Variants in FBXO34 observed in about 807,000 individuals in gnomAD.
FBXO34 encodes the protein F-box protein 34, also known as F-box only protein 34.
Under a neutral mutation model 24.5 loss-of-function variants are expected in FBXO34, and 12 were observed. The observed-to-expected ratio is 0.49, with a 90% CI of 0.31 to 0.79. FBXO34 has a LOEUF of 0.79. Ranked by LOEUF, FBXO34 falls within the 30% of genes least tolerant of loss-of-function variation. The pLI is 0.04. For synonymous variants in FBXO34, 320 were observed against 311.9 expected (o/e 1.03, Z -0.27); for missense variants, 823 against 857.7 (o/e 0.96, Z 0.51).
At chr14:55,401,400 T>A in the FBXO34 span, among the ~76,000 whole-genome samples, 164 of 152,318 alleles carry the variant, frequency 1.1e-3, no homozygotes, top group African/African-American at 3.8e-3. Context: ...GCATACATCT[T>A]TTTGTTGTTG....
chr14:55,324,246 T>C (rs1883267716), intron 1 of FBXO34, among the ~76,000 whole-genome samples: 1 of 152,220 alleles, frequency 6.6e-6, no homozygotes, highest in Admixed American at 6.5e-5. Flanking sequence ...GGTTTATCCA[T>C]GTTGTAGTGG....
chr14:55,369,773 C>G, downstream of FBXO34: 2 of 1,614,150 alleles, frequency 1.2e-6, no homozygotes, highest in South Asian at 1.1e-5. Context: ...ATCACAAAAC[C>G]GGGGACTAGG....
At chr14:55,439,618 C>CCCCCCCCCG in the FBXO34 span, among the ~76,000 whole-genome samples, 6 of 60,292 alleles carry the variant, frequency 1.0e-4, no homozygotes, top group South Asian at 1.2e-3. Context: ...AAGCAAACCC[C>CCCCCCCCCG]CCCCCGTCTC....
intron 1 of FBXO34, among the ~76,000 whole-genome samples, chr14:55,322,105 G>A (rs887749148): frequency 2.0e-5 from 3 of 152,106 alleles, no homozygotes; most frequent in Admixed American, 6.5e-5. Flanking sequence ...AGCGGATCAC[G>A]AGGTCAGGAG....
the FBXO34 span, among the ~76,000 whole-genome samples, chr14:55,375,074 A>T: frequency 5.9e-5 from 9 of 152,274 alleles, no homozygotes; most frequent in African/African-American, 2.2e-4. Context: ...CTCATCCTGG[A>T]AAATCATAAG....
intron 1 of FBXO34, chr14:55,339,385 C>CCCT (rs1555339087): frequency 2.1e-5 from 3 of 145,524 alleles, no homozygotes; most frequent in African/African-American, 7.7e-5. Flanking sequence ...CCTGCCCCCC[C>CCCT]CCCCAATCCT....
At chr14:55,438,286 G>A in the FBXO34 span, among the ~76,000 whole-genome samples, 2 of 152,168 alleles carry the variant, frequency 1.3e-5, no homozygotes, top group East Asian at 1.9e-4. Flanking sequence ...GGTGGCAGGG[G>A]TGACTAATTG....
chr14:55,375,255 A>G, the FBXO34 span, among the ~76,000 whole-genome samples: 5 of 152,228 alleles, frequency 3.3e-5, no homozygotes, highest in Non-Finnish European at 7.3e-5. Flanking sequence ...CTACAGTAAA[A>G]GGAATACTTT....
intron 1 of FBXO34, among the ~76,000 whole-genome samples, chr14:55,348,564 A>G (rs1884236831): frequency 6.6e-6 from 1 of 150,958 alleles, no homozygotes. Context: ...TACCAGTTTT[A>G]ATCACTAGGA....
At chr14:55,364,240 C>T (rs1191749387), downstream of FBXO34, among the ~76,000 whole-genome samples, 26 of 151,630 alleles carry the variant, frequency 1.7e-4, no homozygotes, top group Non-Finnish European at 1.5e-4. Flanking sequence ...TGAGCCACCA[C>T]GCCCAGCTAA....
the FBXO34 span, chr14:55,382,118 G>C: frequency 1.2e-6 from 2 of 1,613,980 alleles, no homozygotes; most frequent in Non-Finnish European, 1.7e-6. Flanking sequence ...GTTGTCCTCC[G>C]GGCTTCAGCA....
intron 1 of FBXO34, among the ~76,000 whole-genome samples, chr14:55,287,933 G>A (rs921014640): frequency 2.0e-5 from 3 of 152,164 alleles, no homozygotes; most frequent in Non-Finnish European, 4.4e-5. Flanking sequence ...CTTCATTGTT[G>A]TGTGCCTGTG....
intron 1 of FBXO34, among the ~76,000 whole-genome samples, chr14:55,287,830 T>G (rs572654581): frequency 6.6e-6 from 1 of 152,376 alleles, no homozygotes; most frequent in African/African-American, 2.4e-5. Flanking sequence ...GATTTTGTTA[T>G]GAATGCATGC....
intron 1 of FBXO34, among the ~76,000 whole-genome samples, chr14:55,283,748 AC>A (rs1406567291): frequency 6.6e-6 from 1 of 152,144 alleles, no homozygotes; most frequent in African/African-American, 2.4e-5. Context: ...CACGTGAGCC[AC>A]CATGCCCAGC....
chr14:55,320,282 C>G (rs867070510), intron 1 of FBXO34, among the ~76,000 whole-genome samples: 1 of 152,270 alleles, frequency 6.6e-6, no homozygotes, highest in South Asian at 2.1e-4. Flanking sequence ...TTGACTTTGT[C>G]AAGGCGACGG....
the FBXO34 span, among the ~76,000 whole-genome samples, chr14:55,401,336 A>G: frequency 6.7e-6 from 1 of 149,716 alleles, no homozygotes; most frequent in Non-Finnish European, 1.5e-5. Context: ...TATTTTTTCT[A>G]TTTTCATGTT....
chr14:55,373,026 G>A (rs1884852999), downstream of FBXO34, among the ~76,000 whole-genome samples: 1 of 152,112 alleles, frequency 6.6e-6, no homozygotes, highest in Non-Finnish European at 1.5e-5. Context: ...CCCCTGCGAT[G>A]TTTCTCCACC....
chr14:55,371,783 G>A (rs560722730), downstream of FBXO34, among the ~76,000 whole-genome samples: 19 of 151,984 alleles, frequency 1.3e-4, 2 homozygotes, highest in East Asian at 1.7e-3. Context: ...TAGCCTGGGC[G>A]ACAGAGCGAG....
At chr14:55,390,124 G>A in the FBXO34 span, among the ~76,000 whole-genome samples, 1 of 152,218 alleles carries the variant, frequency 6.6e-6, no homozygotes, top group Non-Finnish European at 1.5e-5. Context: ...AGGCTGGAGT[G>A]CAATGGCACG....
Sources: allele counts gnomAD v4.1 joint callset (sites outside exome capture counted in the v4.1 genomes callset), GRCh38; gene constraint gnomAD v4.1.1; transcripts MANE v1.5; gene names NCBI Gene and HGNC (gene_info 2026-07-23, HGNC 2026-07-21).